The following PHACTR3 variants were observed in gnomAD, a reference collection of about 807,000 sequenced individuals.
The protein encoded by PHACTR3 is phosphatase and actin regulator 3.
PHACTR3 carries 16 observed loss-of-function variants against 66.8 expected under a neutral mutation model. That is an observed-to-expected ratio of 0.24 (90% CI 0.16 to 0.36). The LOEUF (loss-of-function observed/expected upper bound fraction) is 0.36, where lower values mean the gene tolerates loss of function less well. PHACTR3 is among the 10% of genes least tolerant of loss of function. The probability of loss-of-function intolerance (pLI) is 1.00; values close to 1 mark genes in which losing one functional copy is unlikely to be tolerated. For missense variants in PHACTR3, 647 were observed against 719.9 expected (o/e 0.90, Z 1.16); for synonymous variants, 323 against 292.1 (o/e 1.11, Z -1.08).
chr20:59,605,426 C>T (rs966172176), intron 1 of PHACTR3, among the ~76,000 whole-genome samples: 16 of 152,242 alleles, frequency 1.1e-4, no homozygotes, highest in Non-Finnish European at 2.2e-4. Context: ...CGGGTGCTGA[C>T]CGGCTGGGGG....
At chr20:59,643,092 T>C (rs2035162512) in intron 1 of PHACTR3, among the ~76,000 whole-genome samples, 1 of 152,142 alleles carries the variant, frequency 6.6e-6, no homozygotes, top group South Asian at 2.1e-4. Context: ...TTTGTATTTT[T>C]AGTAGAGACG....
At chr20:59,795,799 G>A (rs1286901196) in intron 7 of PHACTR3, among the ~76,000 whole-genome samples, 1 of 151,940 alleles carries the variant, frequency 6.6e-6, no homozygotes, top group East Asian at 1.9e-4. Flanking sequence ...TTTTCTTTGG[G>A]TTTCAATTTG....
chr20:59,645,447 C>G (rs2035250721), intron 1 of PHACTR3, among the ~76,000 whole-genome samples: 1 of 152,002 alleles, frequency 6.6e-6, no homozygotes, highest in Admixed American at 6.5e-5. Flanking sequence ...TCCCTCAGAT[C>G]CCAGCCTGTG....
chr20:59,714,212 A>C (rs532317933), intron 1 of PHACTR3, among the ~76,000 whole-genome samples: 2 of 152,230 alleles, frequency 1.3e-5, no homozygotes, highest in Non-Finnish European at 2.9e-5. Flanking sequence ...GAAATATTTA[A>C]TTTTAATGTA....
chr20:59,750,346 A>C (rs1171760696), intron 3 of PHACTR3, among the ~76,000 whole-genome samples: 1 of 152,172 alleles, frequency 6.6e-6, no homozygotes, highest in Non-Finnish European at 1.5e-5. Context: ...CTCAGGCAGC[A>C]GTTAAATTAG....
chr20:59,670,607 G>GC (rs1291485924), intron 1 of PHACTR3, among the ~76,000 whole-genome samples: 3 of 118,016 alleles, frequency 2.5e-5, no homozygotes, highest in African/African-American at 1.1e-4. Flanking sequence ...GCCGGGGGTG[G>GC]GGGGGGGGGG....
intron 4 of PHACTR3, among the ~76,000 whole-genome samples, chr20:59,761,964 T>G (rs1041972501): frequency 6.6e-6 from 1 of 152,240 alleles, no homozygotes; most frequent in Non-Finnish European, 1.5e-5. Context: ...GATTCAGCAC[T>G]TGAGATGTTA....
At position 59,736,485 on chromosome 20, in the gene PHACTR3, A is replaced by G. The variant is rs1004421326; in HGVS notation, c.119-6622A>G. Among the ~76,000 whole-genome samples the G allele has an allele frequency of 6.6e-6, 1 of 151,750 alleles. No homozygotes were observed. The highest frequency in any genetic ancestry group is 6.6e-5 in the Admixed American group (1 of 15,264). Reference sequence around the variant, plus strand: ...GATGGCATCCCACCCATGCAGGTGCACACCCACCCACGCCCATGCACACTG... The same window carrying G: ...GATGGCATCCCACCCATGCAGGTGCGCACCCACCCACGCCCATGCACACTG... On this transcript the variant is annotated intron_variant, in intron 1 of 12. Transcript: ENST00000371015. This position sits in a 1 kb window ranked among gnomAD's most constrained non-coding sequence, Gnocchi z 4.6.
At chr20:59,800,763 A>G (rs938831831) in intron 7 of PHACTR3, among the ~76,000 whole-genome samples, 2 of 152,148 alleles carry the variant, frequency 1.3e-5, no homozygotes, top group South Asian at 2.1e-4. Flanking sequence ...TTGTATTCCT[A>G]TAAATACTCT....
chr20:59,832,284 A>AT (rs2042406785), intron 8 of PHACTR3, among the ~76,000 whole-genome samples: 1 of 152,078 alleles, frequency 6.6e-6, no homozygotes, highest in African/African-American at 2.4e-5. Context: ...GCTCGTCACC[A>AT]TTTTTCCTTT....
chr20:59,618,779 C>G (rs574357741), intron 1 of PHACTR3, among the ~76,000 whole-genome samples: 1 of 150,210 alleles, frequency 6.7e-6, no homozygotes, highest in Non-Finnish European at 1.5e-5. Context: ...TGAGCAGGGC[C>G]GAGAGCCTGA....
chr20:59,813,161 G>T (rs1301314382), intron 8 of PHACTR3, among the ~76,000 whole-genome samples: 1 of 152,188 alleles, frequency 6.6e-6, no homozygotes, highest in Non-Finnish European at 1.5e-5. Flanking sequence ...TCTGTGCTCG[G>T]TATGGTGTGG....
rs2039224771 is a variant in PHACTR3 at position 59,743,024 on chromosome 20, G to A, written c.119-83G>A. On this transcript the variant is annotated intron_variant, in intron 1 of 12. Coordinates refer to ENST00000371015, the MANE Select transcript of PHACTR3 (RefSeq NM_080672.5). ...GGGGGGATCACTGGTGACCCCTTAG[G>A]GTGAGAGGTCATCACCTTGGGCCCC... 10 of 1,472,686 alleles carry A rather than the reference G, an allele frequency of 6.8e-6. No homozygotes were observed. The South Asian group carries it at 1.2e-4, about 17-fold the overall frequency. 91.2% of individuals were successfully genotyped at this position (1,472,686 alleles called of 1,614,324 possible).
intron 1 of PHACTR3, among the ~76,000 whole-genome samples, chr20:59,742,377 T>C (rs2039197524): frequency 6.6e-6 from 1 of 152,208 alleles, no homozygotes; most frequent in African/African-American, 2.4e-5. Context: ...AGGACGTTCA[T>C]CTTCACGTGT....
intron 1 of PHACTR3, among the ~76,000 whole-genome samples, chr20:59,650,700 C>G (rs113729286): frequency 1.9e-5 from 2 of 106,688 alleles, no homozygotes; most frequent in African/African-American, 7.6e-5. Flanking sequence ...TTGTAAGTGG[C>G]AAGAGAATTA....
At chr20:59,697,052 A>G (rs964908324) in intron 1 of PHACTR3, among the ~76,000 whole-genome samples, 1 of 152,158 alleles carries the variant, frequency 6.6e-6, no homozygotes, top group South Asian at 2.1e-4. Context: ...AGAATGAAAT[A>G]ATGATGTGAT....
At chr20:59,691,346 G>A (rs780858873) in intron 1 of PHACTR3, among the ~76,000 whole-genome samples, 10 of 152,162 alleles carry the variant, frequency 6.6e-5, no homozygotes, top group Non-Finnish European at 1.2e-4. Flanking sequence ...AAATGTGAGG[G>A]ACAGAGCCAA....
intron 1 of PHACTR3, among the ~76,000 whole-genome samples, chr20:59,687,591 G>T (rs745797517): frequency 6.6e-6 from 1 of 152,148 alleles, no homozygotes; most frequent in African/African-American, 2.4e-5. Context: ...TGTCAGAGAT[G>T]ATTTTGGAGT....
intron 1 of PHACTR3, among the ~76,000 whole-genome samples, chr20:59,708,429 C>T (rs1417240547): frequency 1.3e-5 from 2 of 152,194 alleles, no homozygotes; most frequent in Admixed American, 6.5e-5. Context: ...GAACCGTGCC[C>T]TGGCTGGGAA....
Sources: allele counts gnomAD v4.1 joint callset (sites outside exome capture counted in the v4.1 genomes callset), GRCh38; gene constraint gnomAD v4.1.1; non-coding constraint Gnocchi (gnomAD v3.1); transcripts MANE v1.5; gene names NCBI Gene and HGNC (gene_info 2026-07-23, HGNC 2026-07-21).